The following PICALM variants were observed in gnomAD, a reference collection of about 807,000 sequenced individuals.
The protein encoded by PICALM is phosphatidylinositol binding clathrin assembly protein.
A neutral mutation model predicts 80.5 loss-of-function variants in PICALM; 40 were observed. The observed-to-expected ratio is 0.50, with a 90% CI of 0.39 to 0.65. The LOEUF (loss-of-function observed/expected upper bound fraction) is 0.65. Among genes scored for constraint, PICALM ranks in the 30% least tolerant of loss-of-function variants. The probability of loss-of-function intolerance (pLI) is 0.00; values close to 1 mark genes in which losing one functional copy is unlikely to be tolerated. For missense variants in PICALM, 676 were observed against 778.9 expected (o/e 0.87, Z 1.57); for synonymous variants, 288 against 260.3 (o/e 1.11, Z -1.02).
At chr11:85,959,151 G>C in intron 19 of PICALM, 91 bp from the exon 20 acceptor site, 1 of 775,466 alleles carries the variant, frequency 1.3e-6, no homozygotes, top group Non-Finnish European at 2.1e-6. Context: ...CATTTAACTG[G>C]CCCAGAAGTG....
At chr11:86,057,454 G>A (rs902647135) in intron 1 of PICALM, among the ~76,000 whole-genome samples, 29 of 152,114 alleles carry the variant, frequency 1.9e-4, no homozygotes, top group African/African-American at 6.5e-4. Context: ...CAGGAGAATC[G>A]CTTGAACCCA....
At chr11:85,974,651 G>T (rs2094216984) in intron 19 of PICALM, 57 bp downstream of exon 19, 3 of 1,119,392 alleles carry the variant, frequency 2.7e-6, no homozygotes, top group Admixed American at 1.7e-5. Flanking sequence ...GGGTTTTATA[G>T]TATCATATTC....
intron 1 of PICALM, among the ~76,000 whole-genome samples, chr11:86,047,356 T>A (rs942537180): frequency 3.9e-5 from 6 of 152,256 alleles, no homozygotes; most frequent in Admixed American, 2.6e-4. Context: ...GTGGCTACAA[T>A]GAACTAAAGT....
At position 86,029,324 on chromosome 11, in the gene PICALM, A is replaced by G. The variant is rs1014795318; in HGVS notation, c.273+2145T>C. Reference sequence around the variant, plus strand: ...AATCACCACAGTATAGTGAAATCCTATGTACAGCCTCTAACAAATTAATGG... The same window carrying G: ...AATCACCACAGTATAGTGAAATCCTGTGTACAGCCTCTAACAAATTAATGG... On this transcript the variant is annotated intron_variant, in intron 2 of 19. Coordinates refer to ENST00000393346, the MANE Select transcript of PICALM (RefSeq NM_007166.4). Among the ~76,000 whole-genome samples, 6 of 152,318 alleles carry G rather than the reference A, an allele frequency of 3.9e-5. No individual in the cohort carries two copies. The South Asian group carries it at 1.2e-3, about 32-fold the overall frequency.
chr11:85,972,652 T>C (rs1408712922), intron 19 of PICALM, among the ~76,000 whole-genome samples: 1 of 152,202 alleles, frequency 6.6e-6, no homozygotes, highest in African/African-American at 2.4e-5. Context: ...AAAACACTTC[T>C]GTAGTCGAAG....
In PICALM at chr11:85,973,389, G is replaced by A. The variant is rs1393837399; in HGVS notation, c.1944+1319C>T. On this transcript the variant is annotated intron_variant, in intron 19 of 19. Transcript: ENST00000393346. ...AAAGTGAACCGTGGTCTGAAAATAG[G>A]TAAGTAGAGGATATTAAGATAGTTC... Among the ~76,000 whole-genome samples, 3 of 152,168 alleles carry A rather than the reference G, an allele frequency of 2.0e-5. No homozygotes were observed. In the East Asian group the frequency reaches 5.8e-4, roughly 29 times the overall value.
At chr11:86,012,208 TAAC>T (rs919278721) in intron 6 of PICALM, 70 bp downstream of exon 6, 44 of 768,850 alleles carry the variant, frequency 5.7e-5, no homozygotes, top group Non-Finnish European at 8.0e-5. Context: ...CAGCTTTAAG[TAAC>T]AACTCAGTCA....
chr11:86,021,714 T>C (rs1015785036), intron 4 of PICALM, among the ~76,000 whole-genome samples: 4 of 151,992 alleles, frequency 2.6e-5, no homozygotes, highest in African/African-American at 9.7e-5. Context: ...AAAAAGATAA[T>C]CCACATAAAA....
rs1233930750 is a variant in PICALM at position 85,957,235 on chromosome 11, GACT to G, written c.*1808_*1810del. Among the ~76,000 whole-genome samples the G allele has an allele frequency of 6.6e-6, 1 of 152,090 alleles. No individual in the cohort carries two copies. Among genetic ancestry groups the G allele is most frequent in the Non-Finnish European group, 1.5e-5 (1 of 68,000 alleles). Reference sequence around the variant, plus strand: ...AAAGCTGATAAAATTTATTGGCTACGACTACATTTTTTCTCCAATCACAGCAAA... The same window carrying G: ...AAAGCTGATAAAATTTATTGGCTACGACATTTTTTCTCCAATCACAGCAAA... On this transcript the variant is annotated 3_prime_UTR_variant, in exon 20 of 20. Transcript: ENST00000393346.
intron 19 of PICALM, among the ~76,000 whole-genome samples, chr11:85,963,733 T>C (rs1339981022): frequency 6.6e-6 from 1 of 151,912 alleles, no homozygotes; most frequent in Non-Finnish European, 1.5e-5. Context: ...TCCAGAGCAA[T>C]GATTTTTTTG....
intron 1 of PICALM, among the ~76,000 whole-genome samples, chr11:86,043,386 C>A (rs918702972): frequency 2.0e-5 from 3 of 152,116 alleles, no homozygotes; most frequent in Non-Finnish European, 4.4e-5. Flanking sequence ...CAAAGAAAAT[C>A]TCTATGCAAA....
At chr11:85,988,742 A>G (rs1187002886) in intron 13 of PICALM, among the ~76,000 whole-genome samples, 4 of 152,218 alleles carry the variant, frequency 2.6e-5, no homozygotes, top group African/African-American at 7.2e-5. Flanking sequence ...GAAAAACAAA[A>G]AATGGGGGGA....
At chr11:86,051,951 A>G (rs1360988459) in intron 1 of PICALM, among the ~76,000 whole-genome samples, 2 of 152,262 alleles carry the variant, frequency 1.3e-5, no homozygotes, top group African/African-American at 2.4e-5. Flanking sequence ...TTGTATAAAC[A>G]TTGTGTTAAC....
At chr11:86,049,067 T>C (rs887176158) in intron 1 of PICALM, among the ~76,000 whole-genome samples, 11 of 151,964 alleles carry the variant, frequency 7.2e-5, no homozygotes, top group Admixed American at 6.6e-4. Flanking sequence ...CCAAGGCGGG[T>C]GGATCACATG....
intron 1 of PICALM, among the ~76,000 whole-genome samples, chr11:86,065,716 G>C (rs1399181818): frequency 1.3e-5 from 2 of 152,134 alleles, no homozygotes; most frequent in Non-Finnish European, 2.9e-5. Context: ...TTTCAAGTTT[G>C]ACAACTCTTT....
intron 17 of PICALM, among the ~76,000 whole-genome samples, chr11:85,977,813 T>TAC (rs1452757889): frequency 6.6e-6 from 1 of 152,096 alleles, no homozygotes; most frequent in Non-Finnish European, 1.5e-5. Flanking sequence ...GCAGCACAGA[T>TAC]ACACACACAG....
intron 1 of PICALM, among the ~76,000 whole-genome samples, chr11:86,047,377 T>G (rs2096092214): frequency 6.6e-6 from 1 of 152,228 alleles, no homozygotes; most frequent in Non-Finnish European, 1.5e-5. Context: ...TGACAGACTA[T>G]GAGGAAAGCG....
At position 86,062,270 on chromosome 11, in the gene PICALM, A is replaced by G. The variant is rs186060894; in HGVS notation, c.130+6381T>C. 4.5e-3 allele frequency among the ~76,000 whole-genome samples: 684 copies of G among 152,270 alleles called. 4 individuals carry two copies. Among genetic ancestry groups the G allele is most frequent in the African/African-American group, 0.016 (654 of 41,556 alleles). On this transcript the variant is annotated intron_variant, in intron 1 of 19. Transcript: ENST00000393346. ...AGTGGCTCACGCCTGTAATCCCAAC[A>G]CTTTGGGAGGCCGAGGTGGGTGGAT... is the stretch of plus-strand genomic sequence containing the variant.
intron 14 of PICALM, among the ~76,000 whole-genome samples, chr11:85,983,588 T>G (rs1020638592): frequency 1.3e-5 from 2 of 152,178 alleles, no homozygotes; most frequent in African/African-American, 4.8e-5. Flanking sequence ...CTACACATAG[T>G]CACAAGCAAC....
Sources: gnomAD v4.1 joint callset for allele counts (sites outside exome capture counted in the v4.1 genomes callset) on GRCh38, gnomAD v4.1.1 for gene constraint, MANE v1.5 for transcripts, NCBI Gene and HGNC (gene_info 2026-07-23, HGNC 2026-07-21) for gene names.